Variants in FHIT observed in about 807,000 individuals in gnomAD.
FHIT encodes fragile histidine triad diadenosine triphosphatase.
In FHIT, 19 loss-of-function variants were observed where a neutral mutation model predicts 17.9. The observed-to-expected ratio is 1.06, with a 90% CI of 0.74 to 1.56. The LOEUF is 1.56. Ranked by LOEUF, FHIT falls within the 40% of genes most tolerant of loss-of-function variation. The pLI is 0.00. For synonymous variants in FHIT, 81 were observed against 69.7 expected (o/e 1.16, Z -0.81); for missense variants, 248 against 189.2 (o/e 1.31, Z -1.82).
intron 3 of FHIT, among the ~76,000 whole-genome samples, chr3:60,863,901 T>C (rs1369915283): frequency 2.6e-5 from 4 of 152,166 alleles, no homozygotes; most frequent in Non-Finnish European, 5.9e-5. Flanking sequence ...ACAACAAGCC[T>C]ATGAGACTGT....
At chr3:60,877,197 C>T (rs1019477110) in intron 3 of FHIT, among the ~76,000 whole-genome samples, 4 of 152,226 alleles carry the variant, frequency 2.6e-5, no homozygotes, top group Non-Finnish European at 4.4e-5. Flanking sequence ...AGAACTGGAA[C>T]TACTGCTGAA....
At chr3:59,954,223 TTTTTTTTC>T (rs1707276107) in intron 7 of FHIT, among the ~76,000 whole-genome samples, 1 of 150,266 alleles carries the variant, frequency 6.7e-6, no homozygotes, top group Admixed American at 6.6e-5. Flanking sequence ...TTTGTTCTGT[TTTTTTTTC>T]TTTTTTTTCC....
At chr3:60,408,936 G>A (rs974054752) in intron 5 of FHIT, among the ~76,000 whole-genome samples, 22 of 152,068 alleles carry the variant, frequency 1.4e-4, no homozygotes, top group Admixed American at 4.6e-4. Context: ...TCCTCCAGCA[G>A]ATGACAGCAA....
intron 9 of FHIT, chr3:59,751,086 TTTA>T (rs1222534829): frequency 5.6e-6 from 1 of 178,550 alleles, no homozygotes; most frequent in East Asian, 9.1e-5. Context: ...TCCATGGGAG[TTTA>T]TTAACAGGTT....
In FHIT at chr3:59,964,271, T is replaced by C. The variant is rs1047534932; in HGVS notation, c.280-41857A>G. On this transcript the variant is annotated intron_variant, in intron 7 of 9. Coordinates refer to ENST00000492590, the MANE Select transcript of FHIT (RefSeq NM_002012.4). ...TGCATGGAGGTATGAAAAAGGAACATTTGAAATTAGCTTGAAATTTGGGTG... is the reference window on the plus strand; with the variant it reads ...TGCATGGAGGTATGAAAAAGGAACACTTGAAATTAGCTTGAAATTTGGGTG... Among the ~76,000 whole-genome samples the C allele has an allele frequency of 6.5e-4, 99 of 152,244 alleles. 1 individual carries two copies. The highest frequency in any genetic ancestry group is 9.9e-4 in the Non-Finnish European group (67 of 68,010).
At position 60,162,649 on chromosome 3, in the gene FHIT, T is replaced by C. The variant is rs554664116; in HGVS notation, c.104-148497A>G. ...TGCTAACTTTATGAAATGCATTTCA[T>C]TTTTACCTTCTTTATAGATGAGAAA... is the stretch of plus-strand genomic sequence containing the variant. On this transcript the variant is annotated intron_variant, in intron 5 of 9. Transcript: ENST00000492590. Among the ~76,000 whole-genome samples, 83 of 152,292 alleles carry C rather than the reference T, an allele frequency of 5.5e-4. No individual in the cohort carries two copies. The Middle Eastern group carries it at 0.01, about 19-fold the overall frequency.
At chr3:60,011,290 G>T in intron 7 of FHIT, 81 bp downstream of exon 7, 2 of 1,296,070 alleles carry the variant, frequency 1.5e-6, no homozygotes, top group South Asian at 1.2e-5. Flanking sequence ...ACAGCAATGT[G>T]CTGCATATGA....
At chr3:60,558,272 C>A (rs1243126535) in intron 4 of FHIT, among the ~76,000 whole-genome samples, 2 of 152,066 alleles carry the variant, frequency 1.3e-5, no homozygotes, top group Non-Finnish European at 1.5e-5. Context: ...TGACCCATGT[C>A]CCTGACTGGC....
intron 2 of FHIT, among the ~76,000 whole-genome samples, chr3:61,112,722 G>A (rs1038800888): frequency 6.6e-6 from 1 of 152,058 alleles, no homozygotes; most frequent in African/African-American, 2.4e-5. Context: ...TATATTCAGG[G>A]ACCAGTGGTT....
At chr3:60,386,919 C>A (rs984636276) in intron 5 of FHIT, among the ~76,000 whole-genome samples, 1 of 152,078 alleles carries the variant, frequency 6.6e-6, no homozygotes, top group Admixed American at 6.6e-5. Flanking sequence ...AATTCCATAG[C>A]CTGTTAGGGT....
chr3:60,925,009 A>G (rs1485735803), intron 3 of FHIT, among the ~76,000 whole-genome samples: 1 of 152,196 alleles, frequency 6.6e-6, no homozygotes. Context: ...AGTTTAGAGA[A>G]AAAAGAATAA....
chr3:59,953,394 G>A (rs1281511614), intron 7 of FHIT, among the ~76,000 whole-genome samples: 2 of 151,976 alleles, frequency 1.3e-5, no homozygotes, highest in African/African-American at 4.8e-5. Context: ...CATTTCTTGA[G>A]GTGTAGGGCT....
intron 8 of FHIT, among the ~76,000 whole-genome samples, chr3:59,771,287 G>A (rs558179716): frequency 1.3e-5 from 2 of 152,282 alleles, no homozygotes; most frequent in South Asian, 4.1e-4. Context: ...GAATGAACCT[G>A]CTCTATAAAG....
intron 2 of FHIT, among the ~76,000 whole-genome samples, chr3:61,198,690 C>A (rs1560063555): frequency 6.6e-6 from 1 of 152,132 alleles, no homozygotes; most frequent in Non-Finnish European, 1.5e-5. Flanking sequence ...AGCCTAATAA[C>A]TTTTCACTTC....
chr3:59,927,218 CA>C (rs945743301), intron 7 of FHIT, among the ~76,000 whole-genome samples: 4 of 152,080 alleles, frequency 2.6e-5, no homozygotes, highest in African/African-American at 9.7e-5. Flanking sequence ...CATATTGTAC[CA>C]TGCCATTTAC....
At chr3:60,238,169 T>A (rs1171043914) in intron 5 of FHIT, among the ~76,000 whole-genome samples, 2 of 149,406 alleles carry the variant, frequency 1.3e-5, no homozygotes, top group Non-Finnish European at 3.0e-5. Context: ...AAAGAATTTG[T>A]GTATCAGCAA....
intron 5 of FHIT, among the ~76,000 whole-genome samples, chr3:60,101,672 T>C (rs951343971): frequency 6.6e-6 from 1 of 152,214 alleles, no homozygotes; most frequent in Non-Finnish European, 1.5e-5. Flanking sequence ...TTCTTTGGCA[T>C]TGTACCCCCT....
At chr3:60,715,115 C>G (rs1262578235) in intron 4 of FHIT, among the ~76,000 whole-genome samples, 2 of 151,968 alleles carry the variant, frequency 1.3e-5, no homozygotes, top group Admixed American at 6.6e-5. Flanking sequence ...GAACAGAGCC[C>G]TCAGAAATAA....
intron 8 of FHIT, among the ~76,000 whole-genome samples, chr3:59,872,744 G>T (rs747397539): frequency 1.3e-5 from 2 of 152,194 alleles, no homozygotes; most frequent in Non-Finnish European, 2.9e-5. Context: ...TAGTGATGAT[G>T]ACATGATAAG....
Sources: gnomAD v4.1 joint callset for allele counts (sites outside exome capture counted in the v4.1 genomes callset) on GRCh38, gnomAD v4.1.1 for gene constraint, MANE v1.5 for transcripts, NCBI Gene and HGNC (gene_info 2026-07-23, HGNC 2026-07-21) for gene names.